TBCK: variants seen among roughly 807,000 people sequenced by gnomAD.
The protein encoded by TBCK is TBC domain-containing protein kinase-like protein.
A neutral mutation model predicts 113.4 loss-of-function variants in TBCK; 99 were observed. The observed-to-expected ratio is 0.87, with a 90% CI of 0.74 to 1.03. The LOEUF (loss-of-function observed/expected upper bound fraction) is 1.03. Among genes scored for constraint, TBCK ranks in the 50% least tolerant of loss-of-function variants. TBCK has a pLI of 0.00. For synonymous variants in TBCK, 369 were observed against 370.8 expected, an observed-to-expected ratio of 1.00 and a Z score of 0.05; for missense variants, 1,045 against 1,061.3, an observed-to-expected ratio of 0.98 and a Z score of 0.21.
At chr4:106,062,373 T>G (rs1156702913) in intron 25 of TBCK, among the ~76,000 whole-genome samples, 19 of 151,778 alleles carry the variant, frequency 1.3e-4, no homozygotes, top group African/African-American at 4.6e-4. Context: ...CCCTAATAAG[T>G]CTTGTGGTAA....
intron 25 of TBCK, among the ~76,000 whole-genome samples, chr4:106,075,691 A>C (rs1466729255): frequency 1.3e-5 from 2 of 152,234 alleles, no homozygotes; most frequent in African/African-American, 4.8e-5. Context: ...GGTAAAATTA[A>C]AATGAACAGA....
intron 23 of TBCK, among the ~76,000 whole-genome samples, chr4:106,157,247 C>G (rs1019898731): frequency 6.6e-6 from 1 of 152,124 alleles, no homozygotes; most frequent in Non-Finnish European, 1.5e-5. Context: ...ATTCTTCTCC[C>G]TCCTCTCCTT....
intron 12 of TBCK, among the ~76,000 whole-genome samples, chr4:106,241,121 G>A (rs1760068001): frequency 6.6e-6 from 1 of 151,566 alleles, no homozygotes; most frequent in African/African-American, 2.4e-5. Flanking sequence ...ATAATAAAAT[G>A]TTGGAAAAAA....
chr4:106,277,314 T>C (rs755292709), intron 3 of TBCK, among the ~76,000 whole-genome samples: 2 of 151,974 alleles, frequency 1.3e-5, no homozygotes, highest in Non-Finnish European at 2.9e-5. Flanking sequence ...ATGATTAATA[T>C]CCTATAACAC....
chr4:106,258,729 A>C (rs1353488141), intron 5 of TBCK, among the ~76,000 whole-genome samples: 1 of 151,996 alleles, frequency 6.6e-6, no homozygotes, highest in Non-Finnish European at 1.5e-5. Context: ...TAGACAAAAG[A>C]AGCAGCAGCA....
intron 23 of TBCK, among the ~76,000 whole-genome samples, chr4:106,154,085 C>T (rs972231604): frequency 1.5e-4 from 23 of 152,108 alleles, no homozygotes; most frequent in Non-Finnish European, 2.9e-4. Context: ...AGAACTTACC[C>T]CTGCCATTTT....
At chr4:106,170,418 A>T (rs1337463470) in intron 23 of TBCK, among the ~76,000 whole-genome samples, 1 of 152,088 alleles carries the variant, frequency 6.6e-6, no homozygotes, top group Non-Finnish European at 1.5e-5. Flanking sequence ...GTATTCAATC[A>T]TAAGCAGGGT....
intron 24 of TBCK, among the ~76,000 whole-genome samples, chr4:106,115,798 T>C (rs79312312): frequency 0.017 from 2,591 of 152,308 alleles, 33 homozygotes; most frequent in Middle Eastern, 0.099. Flanking sequence ...GTTTTGAAAA[T>C]TATAATGAAC....
In TBCK at chr4:106,043,309, T is replaced by C. The variant is rs775519409; in HGVS notation, c.*3261A>G. On this transcript the variant is annotated 3_prime_UTR_variant, in exon 26 of 26. Transcript: ENST00000394708. ...CAGATTTTAGAGCTGGATGGGACTTTAGAGATCCTTTTTTCACTCCATGAA... is the reference window on the plus strand; with the variant it reads ...CAGATTTTAGAGCTGGATGGGACTTCAGAGATCCTTTTTTCACTCCATGAA... 6.6e-6 allele frequency: 1 copy of C among 152,208 alleles called. No homozygotes were observed. Among genetic ancestry groups the C allele is most frequent in the Non-Finnish European group, 1.5e-5 (1 of 68,022 alleles). The allele number at this position is 152,208 out of a possible 1,614,324, so 9.4% of individuals were successfully genotyped here.
chr4:106,214,972 C>T lies in TBCK; in HGVS notation c.1775-2137G>A, dbSNP rs1337088692. Among the ~76,000 whole-genome samples, 456 of 151,250 alleles carry T rather than the reference C, an allele frequency of 3.0e-3. 2 individuals carry two copies. Among genetic ancestry groups the T allele is most frequent in the African/African-American group, 0.011 (435 of 41,034 alleles). On this transcript the variant is annotated intron_variant, in intron 19 of 25. Coordinates refer to ENST00000394708, the MANE Select transcript of TBCK (RefSeq NM_001163435.3). ...GTTAAGGGCAGCCAGAGAGAAAGGT[C>T]GGGTTACCCTCAAAGGGAAGCCCAT...
intron 25 of TBCK, among the ~76,000 whole-genome samples, chr4:106,054,530 T>C (rs1735173553): frequency 6.6e-6 from 1 of 151,758 alleles, no homozygotes; most frequent in Admixed American, 6.6e-5. Flanking sequence ...ACTTTATATA[T>C]ATATCTAAAC....
Position 106,044,075 on chromosome 4 carries a change from A to G in TBCK, c.*2495T>C, listed in dbSNP as rs1560572246. On this transcript the variant is annotated 3_prime_UTR_variant, in exon 26 of 26. Transcript: ENST00000394708. The stretch of plus-strand genomic sequence containing the variant: ...ATAAGCCTAAATGTGTCGTTTTAAG[A>G]AAGATCAAATGCAAAATCATGACAG... The G allele has an allele frequency of 6.6e-6, 1 of 152,208 alleles. No individual in the cohort carries two copies. Among genetic ancestry groups the G allele is most frequent in the Non-Finnish European group, 1.5e-5 (1 of 68,036 alleles). 9.4% of individuals were successfully genotyped at this position (152,208 alleles called of 1,614,324 possible).
intron 25 of TBCK, among the ~76,000 whole-genome samples, chr4:106,091,662 G>T (rs779175932): frequency 6.6e-6 from 1 of 152,088 alleles, no homozygotes; most frequent in Non-Finnish European, 1.5e-5. Context: ...GATGGGTTCA[G>T]GAGTGAAGCT....
intron 22 of TBCK, among the ~76,000 whole-genome samples, chr4:106,191,990 T>C (rs1753723805): frequency 6.6e-6 from 1 of 152,174 alleles, no homozygotes; most frequent in South Asian, 2.1e-4. Flanking sequence ...TACAATTCCT[T>C]TCAGTTTTGA....
At chr4:106,263,103 T>C (rs949153891) in intron 3 of TBCK, among the ~76,000 whole-genome samples, 1 of 151,936 alleles carries the variant, frequency 6.6e-6, no homozygotes, top group African/African-American at 2.4e-5. Flanking sequence ...TTAATTATCC[T>C]CTAATGTTTT....
chr4:106,046,290 T>G lies in TBCK; in HGVS notation c.*280A>C. On this transcript the variant is annotated 3_prime_UTR_variant, in exon 26 of 26. Transcript: ENST00000394708. ...TTTCTTGATAATGCTAAATCTGTCT[T>G]GTCAGCTGAATTTCTTGGGCTTTAT... 1 of 278,406 alleles carries G rather than the reference T, an allele frequency of 3.6e-6. No individual in the cohort carries two copies. The allele number at this position is 278,406 out of a possible 1,614,324, so 17.2% of individuals were successfully genotyped here. A position where few individuals can be genotyped will look rare whatever the true frequency, so the allele number is the denominator to read the frequency against.
Position 106,215,893 on chromosome 4 carries a change from C to T in TBCK, c.1775-3058G>A, listed in dbSNP as rs1423032295. 2.6e-5 allele frequency among the ~76,000 whole-genome samples: 4 copies of T among 151,338 alleles called. No individual in the cohort carries two copies. The South Asian group carries it at 8.5e-4, about 32-fold the overall frequency. On this transcript the variant is annotated intron_variant, in intron 19 of 25. Coordinates refer to ENST00000394708, the MANE Select transcript of TBCK (RefSeq NM_001163435.3). Reference sequence around the variant, plus strand: ...AATAGACATCTACAGAACTCTCCACCCCAAATCAACAGAATATACATTTTT... The same window carrying T: ...AATAGACATCTACAGAACTCTCCACTCCAAATCAACAGAATATACATTTTT...
intron 23 of TBCK, among the ~76,000 whole-genome samples, chr4:106,129,657 A>G (rs1255312249): frequency 6.6e-6 from 1 of 152,234 alleles, no homozygotes; most frequent in Admixed American, 6.5e-5. Context: ...ACAAAAGAAG[A>G]AACACAAATA....
At chr4:106,281,046 C>T (rs1457000351) in intron 3 of TBCK, among the ~76,000 whole-genome samples, 1 of 151,982 alleles carries the variant, frequency 6.6e-6, no homozygotes, top group Non-Finnish European at 1.5e-5. Context: ...TTGATTAGTC[C>T]CATCCATAAA....
Sources: gnomAD v4.1 joint callset for allele counts (sites outside exome capture counted in the v4.1 genomes callset) on GRCh38, gnomAD v4.1.1 for gene constraint, MANE v1.5 for transcripts, NCBI Gene and HGNC (gene_info 2026-07-23, HGNC 2026-07-21) for gene names.